Variants in DNAH7 observed in about 807,000 individuals in gnomAD.
DNAH7 encodes axonemal beta dynein heavy chain 7.
DNAH7 carries 397 observed loss-of-function variants against 444.6 expected under a neutral mutation model. That is an observed-to-expected ratio of 0.89 (90% CI 0.82 to 0.97). The LOEUF (loss-of-function observed/expected upper bound fraction) is 0.97. Among genes scored for constraint, DNAH7 ranks in the 50% least tolerant of loss-of-function variants. The pLI is 0.00. For missense variants in DNAH7, 4,902 were observed against 4,800.8 expected (o/e 1.02, Z -0.62); for synonymous variants, 1,636 against 1,624.4 (o/e 1.01, Z -0.17).
intron 9 of DNAH7, among the ~76,000 whole-genome samples, chr2:196,018,528 G>A (rs1695164402): frequency 6.6e-6 from 1 of 151,894 alleles, no homozygotes; most frequent in Non-Finnish European, 1.5e-5. Flanking sequence ...AAATGTCCTT[G>A]GAATTCAAAG....
intron 46 of DNAH7, among the ~76,000 whole-genome samples, chr2:195,845,715 A>G (rs1367301337): frequency 6.6e-6 from 1 of 152,226 alleles, no homozygotes; most frequent in Non-Finnish European, 1.5e-5. Context: ...TACACCTACA[A>G]GCATCTGATC....
rs1694052226 is a variant in DNAH7 at position 196,001,771 on chromosome 2, AG to A, written c.1076del (p.Ser359PhefsTer10). On this transcript the variant is annotated frameshift_variant, in exon 11 of 65. Coordinates refer to ENST00000312428, the MANE Select transcript of DNAH7 (RefSeq NM_018897.3). LOFTEE classifies it high-confidence loss of function. ...PTGDSSAKLE[S>X]FFNCAAALMT... ...TAAGTGCAGCAGCACAGTTGAAAAA[AG>A]ATTCCAATTTGGCACTGCTGTCACC... The A allele has an allele frequency of 1.5e-5, 25 of 1,613,330 alleles. No individual in the cohort carries two copies. Among genetic ancestry groups the A allele is most frequent in the Non-Finnish European group, 1.9e-5 (23 of 1,179,638 alleles).
intron 1 of DNAH7, among the ~76,000 whole-genome samples, chr2:196,067,664 T>C (rs910506024): frequency 6.6e-6 from 1 of 152,204 alleles, no homozygotes; most frequent in African/African-American, 2.4e-5. Flanking sequence ...ATAGTTCTGT[T>C]AGTAATGTAC....
chr2:195,774,146 G>A (rs17527126), intron 60 of DNAH7, among the ~76,000 whole-genome samples: 2,950 of 152,276 alleles, frequency 0.019, 45 homozygotes, highest in Non-Finnish European at 0.03. Flanking sequence ...TTTTCTGTTG[G>A]AATGACCCCA....
In DNAH7 at chr2:196,003,474, A is replaced by G. The variant is rs139661315; in HGVS notation, c.990-1616T>C. Among the ~76,000 whole-genome samples, 554 of 152,358 alleles carry G rather than the reference A, an allele frequency of 3.6e-3. 4 individuals carry two copies. The highest frequency in any genetic ancestry group is 0.013 in the African/African-American group (522 of 41,590). On this transcript the variant is annotated intron_variant, in intron 10 of 64. Transcript: ENST00000312428. Reference sequence around the variant, plus strand: ...ATTATGAATGAAACATTTGGGGTACAAAAGATTTCTTAATTCTCAAAGTGC... The same window carrying G: ...ATTATGAATGAAACATTTGGGGTACGAAAGATTTCTTAATTCTCAAAGTGC...
At chr2:195,965,750 C>G (rs1234835048) in intron 17 of DNAH7, among the ~76,000 whole-genome samples, 1 of 152,086 alleles carries the variant, frequency 6.6e-6, no homozygotes, top group Non-Finnish European at 1.5e-5. Flanking sequence ...TATTTATTGG[C>G]ATACAGTTGC....
chr2:196,068,680 A>G lies in DNAH7; in HGVS notation c.15+17T>C. The G allele has an allele frequency of 6.4e-7, 1 of 1,550,676 alleles. No individual in the cohort carries two copies. The highest frequency in any genetic ancestry group is 8.7e-7 in the Non-Finnish European group (1 of 1,146,830). On this transcript the variant is annotated intron_variant, in intron 1 of 64. Coordinates refer to ENST00000312428, the MANE Select transcript of DNAH7 (RefSeq NM_018897.3). ...CGTCGCGGCGGCGGCGAGCCTGGCAAAGAGCAGCCCTCTCACCTGCTCACT... is the reference window on the plus strand; with the variant it reads ...CGTCGCGGCGGCGGCGAGCCTGGCAGAGAGCAGCCCTCTCACCTGCTCACT...
chr2:195,865,144 T>C (rs1040988325), intron 40 of DNAH7, 123 bp from the exon 41 acceptor site: 9 of 877,418 alleles, frequency 1.0e-5, no homozygotes, highest in Non-Finnish European at 1.5e-5. Context: ...TTATTAAAAG[T>C]ATATCCAAAT....
chr2:195,811,314 C>G (rs1390684804), intron 51 of DNAH7, among the ~76,000 whole-genome samples: 2 of 152,142 alleles, frequency 1.3e-5, no homozygotes, highest in Non-Finnish European at 2.9e-5. Flanking sequence ...TTTACTGCAG[C>G]ATTACTTACA....
intron 63 of DNAH7, among the ~76,000 whole-genome samples, chr2:195,751,437 G>C (rs1168674921): frequency 6.6e-6 from 1 of 152,186 alleles, no homozygotes; most frequent in African/African-American, 2.4e-5. Context: ...TTATGTGCTA[G>C]ACACTGAGAG....
chr2:195,972,165 A>G, intron 16 of DNAH7, 77 bp downstream of exon 16: 1 of 1,217,728 alleles, frequency 8.2e-7, no homozygotes, highest in Non-Finnish European at 1.2e-6. Context: ...CTCAAATAAA[A>G]TAATTGACAA....
chr2:195,957,735 T>A (rs1281356962), intron 18 of DNAH7, among the ~76,000 whole-genome samples: 1 of 152,122 alleles, frequency 6.6e-6, no homozygotes, highest in Non-Finnish European at 1.5e-5. Flanking sequence ...ACTAGATTTG[T>A]TCTACAAAAT....
intron 6 of DNAH7, among the ~76,000 whole-genome samples, chr2:196,027,144 T>C (rs188857222): frequency 1.3e-3 from 194 of 152,270 alleles, no homozygotes; most frequent in African/African-American, 4.4e-3. Flanking sequence ...AAAACTCTTA[T>C]CTCAGTTAAT....
rs1352397223 is a variant in DNAH7 at position 196,064,548 on chromosome 2, T to C, written c.15+4149A>G. 2.6e-5 allele frequency among the ~76,000 whole-genome samples: 4 copies of C among 152,148 alleles called. No homozygotes were observed. The South Asian group carries it at 8.3e-4, about 32-fold the overall frequency. On this transcript the variant is annotated intron_variant, in intron 1 of 64. Coordinates refer to ENST00000312428, the MANE Select transcript of DNAH7 (RefSeq NM_018897.3). ...AAATAGCATCATGAACACTTATGTA[T>C]CTTCAACCCAACTCTTTGCCATCCT...
intron 17 of DNAH7, among the ~76,000 whole-genome samples, chr2:195,963,482 T>C (rs1691251497): frequency 6.6e-6 from 1 of 152,096 alleles, no homozygotes; most frequent in Admixed American, 6.5e-5. Flanking sequence ...AACAGAGTTG[T>C]ATGATCTCCT....
intron 21 of DNAH7, among the ~76,000 whole-genome samples, chr2:195,929,913 A>T (rs1688577578): frequency 6.6e-6 from 1 of 152,276 alleles, no homozygotes; most frequent in African/African-American, 2.4e-5. Context: ...AGCAAAAGAA[A>T]CTATCAACAG....
chr2:196,062,813 G>T (rs1698203279), intron 1 of DNAH7, among the ~76,000 whole-genome samples: 2 of 152,146 alleles, frequency 1.3e-5, no homozygotes, highest in Admixed American at 6.5e-5. Flanking sequence ...AATAAAGAAT[G>T]TTTACTTTTA....
At chr2:195,904,511 T>C (rs1455888679) in intron 27 of DNAH7, 1 of 152,146 alleles carries the variant, frequency 6.6e-6, no homozygotes, top group Admixed American at 6.5e-5. Context: ...CTAAGAAATG[T>C]GAACTTTAGT....
intron 5 of DNAH7, among the ~76,000 whole-genome samples, chr2:196,039,944 A>G (rs1696640320): frequency 1.3e-5 from 2 of 152,142 alleles, no homozygotes; most frequent in African/African-American, 4.8e-5. Context: ...CAGAAAAAAT[A>G]GACACATCCC....
Sources: gnomAD v4.1 joint callset for allele counts (sites outside exome capture counted in the v4.1 genomes callset) on GRCh38, gnomAD v4.1.1 for gene constraint, MANE v1.5 for transcripts, NCBI Gene and HGNC (gene_info 2026-07-23, HGNC 2026-07-21) for gene names.